The following DLGAP2 variants were observed in gnomAD, a reference collection of about 807,000 sequenced individuals.
DLGAP2 encodes the protein disks large-associated protein 2.
DLGAP2 carries 26 observed loss-of-function variants against 100.3 expected under a neutral mutation model. The ratio of observed to expected loss-of-function variants is 0.26; its 90% confidence interval spans 0.19 to 0.36. The LOEUF (loss-of-function observed/expected upper bound fraction) is 0.36, where lower values mean the gene tolerates loss of function less well. Among genes scored for constraint, DLGAP2 ranks in the 10% least tolerant of loss-of-function variants. The probability of loss-of-function intolerance (pLI) is 1.00; values close to 1 mark genes in which losing one functional copy is unlikely to be tolerated. For synonymous variants in DLGAP2, 886 were observed against 630.1 expected (o/e 1.41, Z -6.08); for missense variants, 1,858 against 1,453.2 (o/e 1.28, Z -4.53).
intron 3 of DLGAP2, among the ~76,000 whole-genome samples, chr8:1,264,363 A>G (rs1799410294): frequency 6.6e-6 from 1 of 152,124 alleles, no homozygotes; most frequent in Admixed American, 6.6e-5. Flanking sequence ...TCAAACCCAG[A>G]CACTCACCCA....
intron 2 of DLGAP2, among the ~76,000 whole-genome samples, chr8:1,205,881 A>C (rs1299441688): frequency 6.6e-6 from 1 of 152,186 alleles, no homozygotes; most frequent in Non-Finnish European, 1.5e-5. Flanking sequence ...AGCCAAGTGC[A>C]GTGGCACCTG....
chr8:1,382,679 C>T (rs572053207), intron 3 of DLGAP2, among the ~76,000 whole-genome samples: 3 of 152,002 alleles, frequency 2.0e-5, no homozygotes, highest in Admixed American at 6.5e-5. Flanking sequence ...GAGATGGAAG[C>T]GGCAGTGAGC....
At chr8:1,012,428 C>T (rs961396791) in intron 2 of DLGAP2, among the ~76,000 whole-genome samples, 2 of 152,270 alleles carry the variant, frequency 1.3e-5, no homozygotes, top group Non-Finnish European at 2.9e-5. Flanking sequence ...CGAGGATCTC[C>T]AGTAGTCTCT....
intron 7 of DLGAP2, among the ~76,000 whole-genome samples, chr8:1,630,919 A>C (rs1267575207): frequency 7.0e-6 from 1 of 143,428 alleles, no homozygotes; most frequent in Non-Finnish European, 1.5e-5. Flanking sequence ...TCTGGGCGGG[A>C]GGTCCGGGTG....
At chr8:1,667,721 C>G (rs1798580695) in intron 8 of DLGAP2, among the ~76,000 whole-genome samples, 4 of 152,204 alleles carry the variant, frequency 2.6e-5, no homozygotes, top group African/African-American at 9.6e-5. Context: ...TCCATCTTGA[C>G]CTATGCATAG....
At chr8:1,640,178 TA>T (rs1797863261) in intron 8 of DLGAP2, among the ~76,000 whole-genome samples, 1 of 152,208 alleles carries the variant, frequency 6.6e-6, no homozygotes, top group Non-Finnish European at 1.5e-5. Flanking sequence ...CTAGGAGTAT[TA>T]CACAAATCCT....
At chr8:1,336,193 A>G (rs1046765086) in intron 3 of DLGAP2, among the ~76,000 whole-genome samples, 4 of 152,228 alleles carry the variant, frequency 2.6e-5, no homozygotes, top group Non-Finnish European at 5.9e-5. Flanking sequence ...AATGTATTCA[A>G]TGAATGGTTT....
chr8:1,517,042 C>T (rs1038294077), intron 4 of DLGAP2, among the ~76,000 whole-genome samples: 8 of 152,158 alleles, frequency 5.3e-5, no homozygotes, highest in African/African-American at 1.9e-4. Flanking sequence ...CCTCCGCGGT[C>T]ACCAGGAATC....
At chr8:1,679,979 C>CAAAAAAA (rs760100523) in intron 12 of DLGAP2, among the ~76,000 whole-genome samples, 5 of 63,510 alleles carry the variant, frequency 7.9e-5, no homozygotes, top group East Asian at 5.4e-4. Context: ...GACTCTGTCT[C>CAAAAAAA]AAAAAAAAAA....
At chr8:1,046,565 C>T (rs373742037) in intron 2 of DLGAP2, among the ~76,000 whole-genome samples, 7 of 152,272 alleles carry the variant, frequency 4.6e-5, no homozygotes, top group Middle Eastern at 3.4e-3. Flanking sequence ...GTGTTTGAGG[C>T]TTTTTCACCT....
At chr8:1,287,010 C>T (rs1466744208) in intron 3 of DLGAP2, among the ~76,000 whole-genome samples, 1 of 152,204 alleles carries the variant, frequency 6.6e-6, no homozygotes, top group Non-Finnish European at 1.5e-5. Context: ...AGTTTTATAA[C>T]GTGAACCAGC....
chr8:808,871 AC>A (rs1288866893), intron 1 of DLGAP2, among the ~76,000 whole-genome samples: 2 of 149,216 alleles, frequency 1.3e-5, no homozygotes, highest in East Asian at 3.9e-4. Context: ...GGTACTTAGT[AC>A]CTTTCACATT....
chr8:1,250,971 C>A (rs975916185), intron 2 of DLGAP2, among the ~76,000 whole-genome samples: 9 of 152,186 alleles, frequency 5.9e-5, no homozygotes, highest in African/African-American at 2.2e-4. Flanking sequence ...GTACGTGGCA[C>A]AGTGGTGAAG....
intron 2 of DLGAP2, among the ~76,000 whole-genome samples, chr8:1,042,713 T>C (rs1802388984): frequency 6.7e-6 from 1 of 149,882 alleles, no homozygotes; most frequent in Non-Finnish European, 1.5e-5. Context: ...CGGTGGTGGG[T>C]GTGGGTGGTG....
chr8:1,408,924 G>C (rs986683941), intron 3 of DLGAP2, among the ~76,000 whole-genome samples: 1 of 152,224 alleles, frequency 6.6e-6, no homozygotes, highest in Admixed American at 6.5e-5. Context: ...GGGCCACAGG[G>C]TCTGTCTTGT....
rs1261351760 is a variant in DLGAP2 at position 1,282,735 on chromosome 8, T to C, written c.106+23852T>C. Among the ~76,000 whole-genome samples, 143 of 97,380 alleles carry C rather than the reference T, an allele frequency of 1.5e-3. 2 individuals are homozygous for C. Among genetic ancestry groups the C allele is most frequent in the Non-Finnish European group, 2.2e-3 (103 of 47,090 alleles). The allele number at this position is 97,380 out of a possible 152,430, so 63.9% of individuals were successfully genotyped here. On this transcript the variant is annotated intron_variant, in intron 3 of 14. Transcript: ENST00000637795. ...CCTGAACCCAGCGCCCTGAACCATC[T>C]GGACGTGGTGTGACCTGAATCCAGC...
intron 10 of DLGAP2, among the ~76,000 whole-genome samples, chr8:1,675,998 C>T (rs907952116): frequency 6.6e-6 from 1 of 152,200 alleles, no homozygotes; most frequent in African/African-American, 2.4e-5. Flanking sequence ...TGACGTCACC[C>T]TGCTGGCCAT....
chr8:1,354,938 TG>T (rs1801814101), intron 3 of DLGAP2, among the ~76,000 whole-genome samples: 2 of 129,872 alleles, frequency 1.5e-5, no homozygotes, highest in African/African-American at 2.9e-5. Context: ...ATGCTGCGGA[TG>T]AGGGTGGAAA....
chr8:1,044,111 A>C (rs1802450951), intron 2 of DLGAP2, among the ~76,000 whole-genome samples: 1 of 152,090 alleles, frequency 6.6e-6, no homozygotes, highest in Non-Finnish European at 1.5e-5. Context: ...GAAGCTCAGG[A>C]TGGTGAGATA....
Sources: gnomAD v4.1 joint callset for allele counts (sites outside exome capture counted in the v4.1 genomes callset) on GRCh38, gnomAD v4.1.1 for gene constraint, MANE v1.5 for transcripts, NCBI Gene and HGNC (gene_info 2026-07-23, HGNC 2026-07-21) for gene names.